SYNPO: variants seen among roughly 807,000 people sequenced by gnomAD.
SYNPO encodes synaptopodin.
In SYNPO, 19 loss-of-function variants were observed where a neutral mutation model predicts 49.5. The ratio of observed to expected loss-of-function variants is 0.38; its 90% CI spans 0.27 to 0.56. The LOEUF is 0.56. SYNPO is among the 20% of genes least tolerant of loss of function. The pLI is 0.68. For missense variants in SYNPO, 1,131 were observed against 1,248.3 expected (o/e 0.91, Z 1.42); for synonymous variants, 536 against 548.0 (o/e 0.98, Z 0.31).
chr5:150,649,640 C>T lies in SYNPO; in HGVS notation c.1365C>T (p.Cys455=). 7 of 1,609,046 alleles carry T rather than the reference C, an allele frequency of 4.4e-6. No homozygotes were observed. Among genetic ancestry groups the T allele is most frequent in the Non-Finnish European group, 5.9e-6 (7 of 1,179,830 alleles). ...AEEVVPEWAS[C]LKSPRIQAKP... ...AGGTGGTACCAGAGTGGGCCTCCTG[C>T]CTCAAGTCACCCCGCATCCAGGCCA... is the stretch of plus-strand genomic sequence containing the variant. The change falls in exon 2 of 3, where the codon TGC becomes TGT. Residue 455 remains cysteine, a synonymous_variant. Coordinates refer to ENST00000307662, the MANE Select transcript of SYNPO (RefSeq NM_007286.6).
At chr5:150,592,602 G>A in the SYNPO span, among the ~76,000 whole-genome samples, 1 of 152,232 alleles carries the variant, frequency 6.6e-6, no homozygotes, top group African/African-American at 2.4e-5. Context: ...GGAGAAGGAG[G>A]CATTGGGGCT....
chr5:150,628,066 G>GTGTGTGTGTGTGTGTGTGTGT (rs1561643374), intron 2 of SYNPO, among the ~76,000 whole-genome samples: 3 of 150,302 alleles, frequency 2.0e-5, no homozygotes, highest in African/African-American at 4.9e-5. Context: ...GTGTGTGTGT[G>GTGTGTGTGTGTGTGTGTGTGT]GTCAGAGTCT....
At chr5:150,655,926 C>T (rs1758535323) in intron 2 of SYNPO, among the ~76,000 whole-genome samples, 1 of 152,238 alleles carries the variant, frequency 6.6e-6, no homozygotes, top group Non-Finnish European at 1.5e-5. Context: ...GCTGGGACTA[C>T]AGGCGCGGGC....
chr5:150,624,866 G>A (rs548544807), intron 2 of SYNPO: 235 of 985,138 alleles, frequency 2.4e-4, no homozygotes, highest in Middle Eastern at 1.0e-3. Context: ...GTGCCGAGGC[G>A]GCGGCGCCCG....
chr5:150,601,409 C>T lies in SYNPO; in HGVS notation c.-266+221C>T, dbSNP rs116317521. On this transcript the variant is annotated intron_variant, in intron 1 of 2. Transcript: ENST00000394243. ...CTCCCAGGCAGCGGGGCAGAGACGC[C>T]GCCAAGCCTGGGGCTTGGGGCTGGG... 8.7e-3 allele frequency among the ~76,000 whole-genome samples: 1,323 copies of T among 152,230 alleles called. 18 individuals are homozygous for T. The highest frequency in any genetic ancestry group is 0.03 in the African/African-American group (1,262 of 41,550).
intron 1 of SYNPO, among the ~76,000 whole-genome samples, chr5:150,607,789 AG>A (rs1224066642): frequency 1.3e-5 from 2 of 151,832 alleles, no homozygotes; most frequent in African/African-American, 4.8e-5. Flanking sequence ...AAAAAAAAAA[AG>A]GTGGAAAAAA....
chr5:150,656,360 C>A (rs1758549322), intron 2 of SYNPO, 44 bp from the exon 3 acceptor site: 1 of 1,448,990 alleles, frequency 6.9e-7, no homozygotes, highest in Non-Finnish European at 9.3e-7. Context: ...GTGTGGAAGA[C>A]CTCAGCACTA....
intron 2 of SYNPO, chr5:150,650,679 G>C: frequency 7.1e-7 from 1 of 1,418,016 alleles, no homozygotes; most frequent in Non-Finnish European, 9.2e-7. Flanking sequence ...CTTGCTGGGG[G>C]AGTGGCCTAG....
intron 1 of SYNPO, among the ~76,000 whole-genome samples, chr5:150,604,302 C>T (rs1756632262): frequency 6.6e-6 from 1 of 152,212 alleles, no homozygotes; most frequent in South Asian, 2.1e-4. Flanking sequence ...CCCAAAGAAA[C>T]ATTCTCATTT....
At chr5:150,626,006 G>C (rs987357606) in intron 2 of SYNPO, among the ~76,000 whole-genome samples, 1 of 152,248 alleles carries the variant, frequency 6.6e-6, no homozygotes, top group Non-Finnish European at 1.5e-5. Flanking sequence ...GTGGACAGCA[G>C]TGCTGGTGGT....
upstream of SYNPO, among the ~76,000 whole-genome samples, chr5:150,598,816 T>C (rs1399516807): frequency 6.7e-6 from 1 of 150,300 alleles, no homozygotes; most frequent in Non-Finnish European, 1.5e-5. Context: ...CAGGGGCCGC[T>C]GATGGTGGTG....
At chr5:150,640,900 A>G (rs1216414481) in intron 1 of SYNPO, 46 bp downstream of exon 1, 2 of 946,862 alleles carry the variant, frequency 2.1e-6, no homozygotes, top group Non-Finnish European at 1.3e-6. Context: ...CTTGGGGTAT[A>G]TGACTTAGGG....
intron 2 of SYNPO, chr5:150,653,737 A>T (rs1469048506): frequency 1.3e-5 from 2 of 152,206 alleles, no homozygotes; most frequent in African/African-American, 4.8e-5. Context: ...ACTGGCACAG[A>T]GAAGCTCCCA....
intron 1 of SYNPO, among the ~76,000 whole-genome samples, chr5:150,609,636 G>T (rs1462228603): frequency 1.3e-5 from 2 of 152,226 alleles, no homozygotes; most frequent in Non-Finnish European, 2.9e-5. Context: ...AACCCTTTCT[G>T]CAATGCAATA....
At chr5:150,609,789 G>A (rs551228081) in intron 1 of SYNPO, among the ~76,000 whole-genome samples, 1 of 150,692 alleles carries the variant, frequency 6.6e-6, no homozygotes, top group African/African-American at 2.5e-5. Flanking sequence ...AATGTGGCGG[G>A]GGGGGGCAGT....
intron 2 of SYNPO, among the ~76,000 whole-genome samples, chr5:150,628,036 CTGTGTGTGTGTGTG>C (rs3062926): frequency 8.4e-5 from 12 of 142,038 alleles, no homozygotes; most frequent in Admixed American, 5.6e-4. Context: ...GTGTGTGTTT[CTGTGTGTGTGTGTG>C]TGTGTGTGTG....
chr5:150,657,530 G>C lies in SYNPO; in HGVS notation c.*443G>C, dbSNP rs1758622852. ...AGTGTGTATATGGACCCCTGGACTT[G>C]CTACCTTCAGGGTTCCATACTCGTC... On this transcript the variant is annotated 3_prime_UTR_variant, in exon 3 of 3. Coordinates refer to ENST00000307662, the MANE Select transcript of SYNPO (RefSeq NM_007286.6). The C allele has an allele frequency of 6.1e-6, 1 of 164,630 alleles. No individual in the cohort carries two copies. Among genetic ancestry groups the C allele is most frequent in the African/African-American group, 2.4e-5 (1 of 41,470 alleles). 10.2% of individuals were successfully genotyped at this position (164,630 alleles called of 1,614,324 possible).
chr5:150,605,780 A>C (rs1409385667), intron 1 of SYNPO, among the ~76,000 whole-genome samples: 2 of 151,846 alleles, frequency 1.3e-5, no homozygotes, highest in Non-Finnish European at 2.9e-5. Flanking sequence ...ACACACACAC[A>C]CACAGATATG....
At chr5:150,625,277 C>T (rs1047096429) in intron 2 of SYNPO, among the ~76,000 whole-genome samples, 1 of 152,232 alleles carries the variant, frequency 6.6e-6, no homozygotes, top group Non-Finnish European at 1.5e-5. Context: ...TCCCCAAGCC[C>T]GTTCTGGGAA....
Sources: allele counts gnomAD v4.1 joint callset (sites outside exome capture counted in the v4.1 genomes callset), GRCh38; gene constraint gnomAD v4.1.1; transcripts MANE v1.5; gene names NCBI Gene and HGNC (gene_info 2026-07-23, HGNC 2026-07-21).